The following TTBK1 variants were observed in gnomAD, a reference collection of about 807,000 sequenced individuals.
TTBK1 encodes the protein tau tubulin kinase 1.
Under a neutral mutation model 108.5 loss-of-function variants are expected in TTBK1, and 34 were observed. The observed-to-expected ratio is 0.31, with a 90% confidence interval of 0.24 to 0.42. TTBK1 has a LOEUF of 0.42. TTBK1 is among the 10% of genes least tolerant of loss of function. TTBK1 has a pLI of 1.00. For synonymous variants in TTBK1, 809 were observed against 795.1 expected (o/e 1.02, Z -0.29); for missense variants, 1,539 against 1,826.0 (o/e 0.84, Z 2.86).
chr6:43,246,564 T>A, intron 1 of TTBK1, 43 bp from the exon 2 acceptor site: 1 of 857,276 alleles, frequency 1.2e-6, no homozygotes. Context: ...CAGGTGGTCC[T>A]GGGTCCGCAG....
Position 43,259,735 on chromosome 6 carries a change from G to T in TTBK1, c.1424+29G>T. On this transcript the variant is annotated intron_variant, in intron 12 of 14. Transcript: ENST00000259750. The surrounding 1 kb of genome is among the most constrained non-coding windows in gnomAD (Gnocchi z 6.7). The stretch of plus-strand genomic sequence containing the variant: ...GGTCTGGGGCCAGGGGCATGGTTGG[G>T]GCCCAAGGCCCTCTCCGCCTTCACG... 2 of 1,522,398 alleles carry T rather than the reference G, an allele frequency of 1.3e-6. No homozygotes were observed. Among genetic ancestry groups the T allele is most frequent in the Non-Finnish European group, 1.8e-6 (2 of 1,136,368 alleles). The allele number at this position is 1,522,398 out of a possible 1,614,324, so 94.3% of individuals were successfully genotyped here.
At position 43,257,790 on chromosome 6, in the gene TTBK1, C is replaced by T. The variant is rs1456318516; in HGVS notation, c.862-22C>T. The T allele has an allele frequency of 8.1e-6, 13 of 1,605,436 alleles. No individual in the cohort carries two copies. The highest frequency in any genetic ancestry group is 1.1e-5 in the Non-Finnish European group (13 of 1,174,172). On this transcript the variant is annotated intron_variant, in intron 9 of 14. Coordinates refer to ENST00000259750, the MANE Select transcript of TTBK1 (RefSeq NM_032538.3). The surrounding 1 kb of genome is among the most constrained non-coding windows in gnomAD (Gnocchi z 4.5). The stretch of plus-strand genomic sequence containing the variant: ...GCCCCCGGATCACCTCTCTGTCCTC[C>T]CATCACCCTCACCCCCTGCAGTTGA...
intron 13 of TTBK1, chr6:43,271,143 C>T (rs1342502424): frequency 3.5e-5 from 34 of 985,272 alleles, no homozygotes; most frequent in Middle Eastern, 5.2e-4. Context: ...CTGGGGAATG[C>T]GGTAGTAGTG....
Position 43,259,608 on chromosome 6 carries a change from C to A in TTBK1, c.1326C>A (p.Pro442=), listed in dbSNP as rs1189731949. 4.3e-6 allele frequency: 7 copies of A among 1,611,946 alleles called. No homozygotes were observed. The highest frequency in any genetic ancestry group is 2.2e-5 in the East Asian group (1 of 44,816). ...CAGTGCGTGCCCCCCCAGACTCCCC[C>A]ACAACCCCAGTCCGTTCTCTGCGCT... is the stretch of plus-strand genomic sequence containing the variant. The part of the protein sequence containing the change: ...SSPVRAPPDS[P]TTPVRSLRYR... Residue 442 remains proline (P), a synonymous_variant, in exon 12 of 15, where the codon CCC becomes CCA. Transcript: ENST00000259750. This position sits in a 1 kb window ranked among gnomAD's most constrained non-coding sequence, Gnocchi z 6.7.
chr6:43,246,352 G>A (rs774490363), intron 1 of TTBK1, among the ~76,000 whole-genome samples: 1 of 152,140 alleles, frequency 6.6e-6, no homozygotes, highest in Non-Finnish European at 1.5e-5. Flanking sequence ...CTCTCCCCTC[G>A]GCCTGTTCAC....
Position 43,243,638 on chromosome 6 carries a change from CG to C in TTBK1, c.-120del. 6.5e-6 allele frequency: 1 copy of C among 152,920 alleles called. No individual in the cohort carries two copies. Among genetic ancestry groups the C allele is most frequent in the East Asian group, 1.9e-4 (1 of 5,190 alleles). 9.5% of individuals were successfully genotyped at this position (152,920 alleles called of 1,614,324 possible). On this transcript the variant is annotated 5_prime_UTR_variant, in exon 1 of 15. Transcript: ENST00000259750. This position sits in a 1 kb window ranked among gnomAD's most constrained non-coding sequence, Gnocchi z 5.5. ...AGCCGCCCCCGCCCCGCCCCGGCCC[CG>C]GGGGATGCGCCGCCCCGAGCTGCTG... is the stretch of plus-strand genomic sequence containing the variant.
chr6:43,262,314 G>C (rs1025276218), intron 12 of TTBK1, among the ~76,000 whole-genome samples: 4 of 152,198 alleles, frequency 2.6e-5, no homozygotes, highest in African/African-American at 9.7e-5. Context: ...AGGCCTGGAG[G>C]GTGATGGCAG....
rs1310258621 is a variant in TTBK1 at position 43,263,741 on chromosome 6, A to G, written c.1986+391A>G. Among the ~76,000 whole-genome samples, 2 of 152,218 alleles carry G rather than the reference A, an allele frequency of 1.3e-5. No individual in the cohort carries two copies. The highest frequency in any genetic ancestry group is 2.9e-5 in the Non-Finnish European group (2 of 68,032). On this transcript the variant is annotated intron_variant, in intron 13 of 14. Transcript: ENST00000259750. This position sits in a 1 kb window ranked among gnomAD's most constrained non-coding sequence, Gnocchi z 4.7. ...CCCTGCCACGGAGGGACTTGGGGCT[A>G]TACTAAGGGGCCAGGACTTGATGCT...
chr6:43,268,027 T>C (rs1044371487), intron 13 of TTBK1, among the ~76,000 whole-genome samples: 2 of 152,218 alleles, frequency 1.3e-5, no homozygotes, highest in African/African-American at 2.4e-5. Context: ...CACTCTTATC[T>C]GCTAGAAGCT....
At position 43,252,842 on chromosome 6, in the gene TTBK1, A is replaced by G; in HGVS notation, c.212A>G (p.Lys71Arg). The change falls in exon 3 of 15, where the codon AAG (lysine) becomes AGG (arginine). Residue 71 changes from lysine (K) to arginine (R), a missense_variant. Physicochemically the swap from Lys to Arg is conservative, Grantham distance 26. This residue lies in a region of TTBK1 where 155 missense variants were observed against 348.5 expected (regional missense o/e 0.44). Transcript: ENST00000259750. Reference protein sequence around the residue: ...ALKVESAQQPKQVLKMEVAVL... With the variant: ...ALKVESAQQPRQVLKMEVAVL... The stretch of plus-strand genomic sequence containing the variant: ...AAGGTGGAGTCAGCCCAGCAGCCCA[A>G]GCAGGTCCTCAAGATGGAGGTGGCC... The G allele has an allele frequency of 6.2e-7, 1 of 1,613,888 alleles. No homozygotes were observed. Among genetic ancestry groups the G allele is most frequent in the Non-Finnish European group, 8.5e-7 (1 of 1,179,936 alleles).
At chr6:43,268,147 C>T (rs1336619261) in intron 13 of TTBK1, among the ~76,000 whole-genome samples, 1 of 152,180 alleles carries the variant, frequency 6.6e-6, no homozygotes, top group Non-Finnish European at 1.5e-5. Flanking sequence ...GGGCAAGAGC[C>T]CTCTGGGATT....
At chr6:43,252,706 C>T in intron 2 of TTBK1, 33 bp from the exon 3 acceptor site, 1 of 1,612,478 alleles carries the variant, frequency 6.2e-7, no homozygotes, top group Non-Finnish European at 8.5e-7. Flanking sequence ...TCAGCCTGAT[C>T]CCTGAGCACC....
rs1434438289 is a variant in TTBK1, at chr6:43,285,090, C to G, written c.3680C>G (p.Pro1227Arg). 2 of 1,484,456 alleles carry G rather than the reference C, an allele frequency of 1.3e-6. No homozygotes were observed. The highest frequency in any genetic ancestry group is 1.8e-6 in the Non-Finnish European group (2 of 1,125,488). 92.0% of individuals were successfully genotyped at this position (1,484,456 alleles called of 1,614,324 possible). ...GPGRAQAGAR[P>R]PAPRSPRLPA... Reference sequence around the variant, plus strand: ...GGGCGAGCCCAAGCCGGAGCCAGGCCCCCAGCGCCGCGCAGCCCGCGCCTC... The same window carrying G: ...GGGCGAGCCCAAGCCGGAGCCAGGCGCCCAGCGCCGCGCAGCCCGCGCCTC... The change falls in exon 15 of 15, where the codon CCC (proline) becomes CGC (arginine). Residue 1227 changes from proline to arginine, a missense_variant. Pro to Arg is a moderately radical substitution (Grantham distance 103). Around this residue, in one of 5 missense-constraint regions of TTBK1, gnomAD observed 1,055 missense variants for 1,086.5 expected, o/e 0.97. Coordinates refer to ENST00000259750, the MANE Select transcript of TTBK1 (RefSeq NM_032538.3). The surrounding 1 kb of genome is among the most constrained non-coding windows in gnomAD (Gnocchi z 4.7).
Position 43,253,024 on chromosome 6 carries a change from G to A in TTBK1, c.256+138G>A, listed in dbSNP as rs967361180. 10 of 1,161,904 alleles carry A rather than the reference G, an allele frequency of 8.6e-6. No individual in the cohort carries two copies. Among genetic ancestry groups the A allele is most frequent in the Admixed American group, 2.2e-5 (1 of 45,390 alleles). The allele number at this position is 1,161,904 out of a possible 1,614,324, so 72.0% of individuals were successfully genotyped here. The stretch of plus-strand genomic sequence containing the variant: ...AAAGGGGATGGAGCCAGGAGCTAAG[G>A]GGGAGGTGACGGAGCCAGAGTCTAG... On this transcript the variant is annotated intron_variant, in intron 3 of 14. Transcript: ENST00000259750. The surrounding 1 kb of genome is among the most constrained non-coding windows in gnomAD (Gnocchi z 5.8).
intron 13 of TTBK1, among the ~76,000 whole-genome samples, chr6:43,266,905 C>T (rs992873166): frequency 6.6e-6 from 1 of 152,000 alleles, no homozygotes; most frequent in African/African-American, 2.4e-5. Flanking sequence ...CGTGAGCCAT[C>T]GCGCCCAGCC....
chr6:43,285,129 C>T lies in TTBK1; in HGVS notation c.3719C>T (p.Ser1240Phe). The T allele has an allele frequency of 2.7e-6, 4 of 1,454,916 alleles. No individual in the cohort carries two copies. In the South Asian group the frequency reaches 4.1e-5, roughly 15 times the overall value. 90.1% of individuals were successfully genotyped at this position (1,454,916 alleles called of 1,614,324 possible). The change falls in exon 15 of 15, where the codon TCC (serine) becomes TTC (phenylalanine). Residue 1240 changes from serine (S) to phenylalanine (F), a missense_variant. By Grantham distance (155) the Ser-to-Phe change is radical. Transcript: ENST00000259750. The surrounding 1 kb of genome is among the most constrained non-coding windows in gnomAD (Gnocchi z 4.7). ...PRSPRLPAST[S>F]AARNASASPR... ...AGCCCGCGCCTCCCCGCGTCCACATCCGCCGCGCGCAATGCCAGCGCGTCC... is the reference window on the plus strand; with the variant it reads ...AGCCCGCGCCTCCCCGCGTCCACATTCGCCGCGCGCAATGCCAGCGCGTCC...
At chr6:43,244,141 C>A (rs964533970) in intron 1 of TTBK1, among the ~76,000 whole-genome samples, 15 of 152,096 alleles carry the variant, frequency 9.9e-5, no homozygotes, top group Non-Finnish European at 1.6e-4. Context: ...CTCTTCCTTG[C>A]CTGTCATCAT....
At chr6:43,245,650 T>C (rs1238257768) in intron 1 of TTBK1, among the ~76,000 whole-genome samples, 2 of 152,176 alleles carry the variant, frequency 1.3e-5, no homozygotes, top group Non-Finnish European at 2.9e-5. Flanking sequence ...AACATGTGCC[T>C]GTCTTTCCCA....
At chr6:43,264,004 G>A (rs1777614401) in intron 13 of TTBK1, among the ~76,000 whole-genome samples, 1 of 152,120 alleles carries the variant, frequency 6.6e-6, no homozygotes, top group Non-Finnish European at 1.5e-5. Context: ...AGGTCAAGCA[G>A]GCTGTGATGG....
Sources: allele counts gnomAD v4.1 joint callset (sites outside exome capture counted in the v4.1 genomes callset), GRCh38; gene constraint gnomAD v4.1.1; regional missense constraint gnomAD v4.1.1; non-coding constraint Gnocchi (gnomAD v3.1); transcripts MANE v1.5; gene names NCBI Gene and HGNC (gene_info 2026-07-23, HGNC 2026-07-21).